Variants in DMD observed in about 807,000 individuals in gnomAD.
The protein encoded by DMD is dystrophin.
In DMD, 63 loss-of-function variants were observed where a neutral mutation model predicts 330.1. That is an observed-to-expected ratio of 0.19 (90% confidence interval 0.16 to 0.24). The LOEUF (loss-of-function observed/expected upper bound fraction) is 0.24, where lower values mean the gene tolerates loss of function less well. Among genes scored for constraint, DMD ranks in the 10% least tolerant of loss-of-function variants. DMD has a pLI of 1.00. For synonymous variants in DMD, 1,223 were observed against 959.8 expected (o/e 1.27, Z -5.07); for missense variants, 3,344 against 2,684.1 (o/e 1.25, Z -5.43).
At chrX:32,421,112 A>G (rs2098187812) in intron 29 of DMD, among the ~76,000 whole-genome samples, 2 of 112,119 alleles carry the variant, frequency 1.8e-5, no homozygotes, top group African/African-American at 6.5e-5. Context: ...AATTACATGA[A>G]GATTAACAAT....
At chrX:33,022,450 C>G (rs1195018810) in intron 1 of DMD, among the ~76,000 whole-genome samples, 1 of 110,485 alleles carries the variant, frequency 9.1e-6, no homozygotes, top group Non-Finnish European at 1.9e-5. Context: ...TGCTAGTTGT[C>G]CTCTCTCACC....
chrX:32,719,924 T>A lies in DMD; in HGVS notation c.650-20631A>T, dbSNP rs73458821. Among the ~76,000 whole-genome samples, 398 of 109,850 alleles carry A rather than the reference T, an allele frequency of 3.6e-3. 1 individual carries two copies. Among genetic ancestry groups the A allele is most frequent in the African/African-American group, 0.012 (372 of 30,336 alleles). ...TTATCCCAGCTTGCATGTGCACACG[T>A]GCACACACATACTATATGACCTGAC... On this transcript the variant is annotated intron_variant, in intron 7 of 78. Transcript: ENST00000357033.
chrX:31,763,848 A>G (rs2089803776), intron 51 of DMD, among the ~76,000 whole-genome samples: 1 of 108,365 alleles, frequency 9.2e-6, no homozygotes, highest in South Asian at 3.9e-4. Flanking sequence ...ATATATCCTC[A>G]TTTTTATTTA....
intron 7 of DMD, among the ~76,000 whole-genome samples, chrX:32,792,857 A>C (rs2075921100): frequency 8.9e-6 from 1 of 112,267 alleles, no homozygotes; most frequent in South Asian, 3.6e-4. Context: ...CAAATACAGT[A>C]ATATCTGAGG....
At chrX:32,674,930 A>T (rs1404303117) in intron 9 of DMD, among the ~76,000 whole-genome samples, 2 of 108,984 alleles carry the variant, frequency 1.8e-5, no homozygotes, top group East Asian at 2.8e-4. Flanking sequence ...GAAACCAAGC[A>T]TCCTAAATAA....
intron 45 of DMD, among the ~76,000 whole-genome samples, chrX:31,951,159 G>GTGTGTATATATATATGTA (rs2095169670): frequency 1.4e-5 from 1 of 71,714 alleles, no homozygotes; most frequent in Non-Finnish European, 2.6e-5. Context: ...ATATATATAT[G>GTGTGTATATATATATGTA]TATATATATA....
At chrX:32,191,318 T>C (rs1044109559) in intron 44 of DMD, among the ~76,000 whole-genome samples, 1 of 112,000 alleles carries the variant, frequency 8.9e-6, no homozygotes, top group African/African-American at 3.2e-5. Flanking sequence ...CTGCTAAACT[T>C]CCCTAGATCT....
intron 29 of DMD, among the ~76,000 whole-genome samples, chrX:32,424,792 T>TA (rs201484279): frequency 0.25 from 22,332 of 90,816 alleles, 2,337 homozygotes; most frequent in Admixed American, 0.34. Context: ...AGAGAGATTG[T>TA]AAAAAAAAAA....
intron 11 of DMD, among the ~76,000 whole-genome samples, chrX:32,616,712 TTTTCTTTA>T (rs1312615439): frequency 8.0e-5 from 7 of 87,186 alleles, no homozygotes; most frequent in Admixed American, 3.6e-4. Flanking sequence ...TTTTTTTTTT[TTTTCTTTA>T]AAGAATGTTA....
At chrX:31,632,190 T>C (rs965156888) in intron 54 of DMD, among the ~76,000 whole-genome samples, 3 of 111,649 alleles carry the variant, frequency 2.7e-5, no homozygotes, top group African/African-American at 9.8e-5. Flanking sequence ...TTGAATATCA[T>C]CAATTTCTTA....
chrX:32,616,898 T>A (rs2057625407), intron 11 of DMD, among the ~76,000 whole-genome samples: 2 of 109,076 alleles, frequency 1.8e-5, no homozygotes. Context: ...AATTTATCCA[T>A]CTCTCTCCAC....
intron 55 of DMD, among the ~76,000 whole-genome samples, chrX:31,555,713 T>C (rs926943189): frequency 4.5e-5 from 5 of 111,966 alleles, no homozygotes; most frequent in African/African-American, 1.6e-4. Context: ...GGAAGTCAAC[T>C]TTGGTCCTTG....
chrX:32,429,499 C>T (rs923104643), intron 29 of DMD, among the ~76,000 whole-genome samples: 9 of 100,318 alleles, frequency 9.0e-5, no homozygotes, highest in Non-Finnish European at 1.6e-4. Flanking sequence ...AAGGCATGAG[C>T]TACCACGCCC....
At chrX:32,188,495 A>G (rs1423342087) in intron 44 of DMD, among the ~76,000 whole-genome samples, 1 of 103,585 alleles carries the variant, frequency 9.7e-6, no homozygotes, top group Non-Finnish European at 2.0e-5. Flanking sequence ...AGGTACATGA[A>G]TAGTCAATTA....
intron 1 of DMD, among the ~76,000 whole-genome samples, chrX:33,331,823 G>A (rs2054182578): frequency 9.0e-6 from 1 of 111,388 alleles, no homozygotes; most frequent in African/African-American, 3.3e-5. Context: ...ACTTTAGGCT[G>A]TAACCCCAAA....
intron 29 of DMD, among the ~76,000 whole-genome samples, chrX:32,428,554 C>T (rs529951661): frequency 4.5e-5 from 5 of 111,913 alleles, no homozygotes; most frequent in African/African-American, 1.6e-4. Context: ...TGTATTTCTT[C>T]TTGTTATTCT....
chrX:32,037,857 C>T (rs966014032), intron 44 of DMD, among the ~76,000 whole-genome samples: 2 of 111,840 alleles, frequency 1.8e-5, no homozygotes, highest in African/African-American at 6.5e-5. Flanking sequence ...ATGGAATAAA[C>T]CACTATTTAT....
intron 1 of DMD, among the ~76,000 whole-genome samples, chrX:33,129,370 C>G (rs1442404094): frequency 1.4e-5 from 1 of 73,872 alleles, no homozygotes; most frequent in African/African-American, 5.1e-5. Flanking sequence ...AGATCCAGTG[C>G]CCGGCAAACA....
At chrX:33,226,889 A>G (rs2052301073) in intron 1 of DMD, among the ~76,000 whole-genome samples, 1 of 110,147 alleles carries the variant, frequency 9.1e-6, no homozygotes, top group African/African-American at 3.3e-5. Flanking sequence ...ATACAAATAA[A>G]TATAAGATAA....
Sources: allele counts gnomAD v4.1 joint callset (sites outside exome capture counted in the v4.1 genomes callset), GRCh38; gene constraint gnomAD v4.1.1; transcripts MANE v1.5; gene names NCBI Gene and HGNC (gene_info 2026-07-23, HGNC 2026-07-21).